The following TMEM94 variants were observed in gnomAD, a reference collection of about 807,000 sequenced individuals.
TMEM94 encodes transmembrane protein 94.
A neutral mutation model predicts 158.6 loss-of-function variants in TMEM94; 81 were observed. The ratio of observed to expected loss-of-function variants is 0.51; its 90% CI spans 0.43 to 0.61. TMEM94 has a LOEUF of 0.61. Ranked by LOEUF, TMEM94 falls within the 20% of genes least tolerant of loss-of-function variation. The pLI, the probability that TMEM94 is intolerant of heterozygous loss-of-function variation, is 0.00. For missense variants in TMEM94, 1,435 were observed against 1,762.0 expected, an observed-to-expected ratio of 0.81 and a Z score of 3.32; for synonymous variants, 751 against 730.7, an observed-to-expected ratio of 1.03 and a Z score of -0.45.
intron 2 of TMEM94, among the ~76,000 whole-genome samples, chr17:75,472,824 T>C (rs1432414808): frequency 6.6e-6 from 1 of 152,228 alleles, no homozygotes; most frequent in Non-Finnish European, 1.5e-5. Flanking sequence ...ACCTCTAAAA[T>C]GCTTCCCACC....
At chr17:75,462,006 G>GTTTTTTTT (rs1319139834) in intron 1 of TMEM94, among the ~76,000 whole-genome samples, 25 of 100,420 alleles carry the variant, frequency 2.5e-4, no homozygotes, top group South Asian at 1.4e-3. Flanking sequence ...GTTTTGTTTT[G>GTTTTTTTT]TTTTGTTTTT....
At chr17:75,490,894 T>C in intron 11 of TMEM94, 136 bp downstream of exon 11, 1 of 970,714 alleles carries the variant, frequency 1.0e-6, no homozygotes, top group Non-Finnish European at 1.6e-6. Flanking sequence ...GGACATAACC[T>C]GGACCTGTTC....
chr17:75,464,586 TTTTCTTTCTTTCTTTCTTTCCTTCC>T (rs1194637620), intron 1 of TMEM94, among the ~76,000 whole-genome samples: 20 of 63,944 alleles, frequency 3.1e-4, no homozygotes, highest in African/African-American at 8.9e-4. Flanking sequence ...TATTTTTTCA[TTTTCTTTCTTTCTTTCTTTCCTTCC>T]TTTCTTTCTT....
chr17:75,485,466 G>T lies in TMEM94; in HGVS notation c.63G>T (p.Lys21Asn). Reference protein sequence around the residue: ...PPSALGLSTRKALSVLKEQLE... With the variant: ...PPSALGLSTRNALSVLKEQLE... ...CAGCCCTGGGCCTGTCCACGCGGAA[G>T]GCCCTCAGCGTCCTGAAGGAGCAGC... The change falls in exon 3 of 32, where the codon AAG (lysine) becomes AAT (asparagine). Residue 21 changes from lysine to asparagine, a missense_variant. Lys to Asn is a moderately conservative substitution (Grantham distance 94, BLOSUM62 0). This residue lies in a region of TMEM94 where 1,051 missense variants were observed against 1,254.4 expected (regional missense o/e 0.84). Transcript: ENST00000314256. This position sits in a 1 kb window ranked among gnomAD's most constrained non-coding sequence, Gnocchi z 5.5. 6.2e-7 allele frequency: 1 copy of T among 1,614,164 alleles called. No individual in the cohort carries two copies. Among genetic ancestry groups the T allele is most frequent in the African/African-American group, 1.3e-5 (1 of 75,066 alleles).
chr17:75,492,432 C>G lies in TMEM94; in HGVS notation c.1597-42C>G. On this transcript the variant is annotated intron_variant, in intron 14 of 31. Transcript: ENST00000314256. This position sits in a 1 kb window ranked among gnomAD's most constrained non-coding sequence, Gnocchi z 4.4. ...GGCAGAGCCAGTGCTGGCTTCCCCACACCCTATCCCGGGCTGAGGCTCTCC... is the reference window on the plus strand; with the variant it reads ...GGCAGAGCCAGTGCTGGCTTCCCCAGACCCTATCCCGGGCTGAGGCTCTCC... The G allele has an allele frequency of 6.5e-7, 1 of 1,540,596 alleles. No homozygotes were observed. The highest frequency in any genetic ancestry group is 1.9e-5 in the Admixed American group (1 of 52,664).
Position 75,495,704 on chromosome 17 carries a change from G to A in TMEM94, c.2944+61G>A, listed in dbSNP as rs1319461812. Reference sequence around the variant, plus strand: ...GTCCCGTCGGCTGAGCTCTGCCTGGGCCTGCGTACCCCGTGGGCTCTGGAG... The same window carrying A: ...GTCCCGTCGGCTGAGCTCTGCCTGGACCTGCGTACCCCGTGGGCTCTGGAG... On this transcript the variant is annotated intron_variant, in intron 22 of 31. Transcript: ENST00000314256. The surrounding 1 kb of genome is among the most constrained non-coding windows in gnomAD (Gnocchi z 5.6). 1 of 1,506,688 alleles carries A rather than the reference G, an allele frequency of 6.6e-7. No individual in the cohort carries two copies. The highest frequency in any genetic ancestry group is 9.2e-7 in the Non-Finnish European group (1 of 1,086,294). The allele number at this position is 1,506,688 out of a possible 1,614,324, so 93.3% of individuals were successfully genotyped here.
intron 2 of TMEM94, among the ~76,000 whole-genome samples, chr17:75,472,223 A>G (rs151046614): frequency 6.6e-6 from 1 of 152,242 alleles, no homozygotes; most frequent in Non-Finnish European, 1.5e-5. Flanking sequence ...GGGGTGTGCA[A>G]TTTAGTTTGT....
In TMEM94 at chr17:75,499,575, T is replaced by C; in HGVS notation, c.*241T>C. ...CTTCCCTGGGCCTCACCAGGGACAC[T>C]CTTGAATGTATGGCCTCAGGCGCTC... On this transcript the variant is annotated 3_prime_UTR_variant, in exon 32 of 32. Coordinates refer to ENST00000314256, the MANE Select transcript of TMEM94 (RefSeq NM_014738.6). 2 of 569,554 alleles carry C rather than the reference T, an allele frequency of 3.5e-6. No individual in the cohort carries two copies. Among genetic ancestry groups the C allele is most frequent in the Non-Finnish European group, 6.2e-6 (2 of 320,104 alleles). The allele number at this position is 569,554 out of a possible 1,614,324, so 35.3% of individuals were successfully genotyped here.
chr17:75,492,065 C>A lies in TMEM94; in HGVS notation c.1596+165C>A. On this transcript the variant is annotated intron_variant, in intron 14 of 31. Coordinates refer to ENST00000314256, the MANE Select transcript of TMEM94 (RefSeq NM_014738.6). This position sits in a 1 kb window ranked among gnomAD's most constrained non-coding sequence, Gnocchi z 4.4. ...GTCCCTGAGGCCCTCCCCAAGTCTG[C>A]TGCGAAGTAGGTGGAGCCTCCCCCT... 1.2e-6 allele frequency: 1 copy of A among 810,340 alleles called. No homozygotes were observed. The highest frequency in any genetic ancestry group is 1.9e-6 in the Non-Finnish European group (1 of 519,560). The allele number at this position is 810,340 out of a possible 1,614,324, so 50.2% of individuals were successfully genotyped here. A position where few individuals can be genotyped will look rare whatever the true frequency, so the allele number is the denominator to read the frequency against.
rs879520434 is a variant in TMEM94, at chr17:75,492,489, G to A, written c.1612G>A (p.Glu538Lys). 6.3e-7 allele frequency: 1 copy of A among 1,587,508 alleles called. No homozygotes were observed. Among genetic ancestry groups the A allele is most frequent in the Non-Finnish European group, 8.6e-7 (1 of 1,163,270 alleles). The part of the protein sequence containing the change: ...EEPSKTQPGM[E>K]SDPYEAEDFV... ...TTTCCCCCAGACCCAGCCTGGGATG[G>A]AGAGCGACCCCTACGAAGCAGAGGA... Residue 538 changes from glutamate (E) to lysine (K), a missense_variant, in exon 15 of 32, where the codon GAG becomes AAG. By Grantham distance (56) the Glu-to-Lys change is moderately conservative (BLOSUM62 1). Around this residue, in one of 3 missense-constraint regions of TMEM94, gnomAD observed 1,051 missense variants for 1,254.4 expected, o/e 0.84. Coordinates refer to ENST00000314256, the MANE Select transcript of TMEM94 (RefSeq NM_014738.6). This position sits in a 1 kb window ranked among gnomAD's most constrained non-coding sequence, Gnocchi z 4.4.
At chr17:75,486,239 G>A in intron 4 of TMEM94, 51 bp from the exon 5 acceptor site, 4 of 1,608,642 alleles carry the variant, frequency 2.5e-6, no homozygotes, top group Non-Finnish European at 2.5e-6. Context: ...GGGCTGCTGG[G>A]TGGGCGAGCC....
At chr17:75,463,055 T>C (rs1321886790) in intron 1 of TMEM94, among the ~76,000 whole-genome samples, 1 of 12,218 alleles carries the variant, frequency 8.2e-5, no homozygotes, top group Non-Finnish European at 1.4e-4. Context: ...TATATATATA[T>C]ATATATATAT....
chr17:75,486,091 AC>A (rs1352051966), intron 4 of TMEM94, 93 bp downstream of exon 4: 3 of 1,458,124 alleles, frequency 2.1e-6, no homozygotes, highest in African/African-American at 1.4e-5. Flanking sequence ...GGGGGCTGTC[AC>A]CCCCAAGCTG....
In TMEM94 at chr17:75,498,836, G is replaced by T; in HGVS notation, c.3828-76G>T. 6.6e-7 allele frequency: 1 copy of T among 1,522,076 alleles called. No individual in the cohort carries two copies. The allele number at this position is 1,522,076 out of a possible 1,614,324, so 94.3% of individuals were successfully genotyped here. ...AGTGGTTTAACTGTACCCTGCCTGA[G>T]CTAACTGTTGTACTGGGAAGAGCAG... On this transcript the variant is annotated intron_variant, in intron 30 of 31. Transcript: ENST00000314256. This position sits in a 1 kb window ranked among gnomAD's most constrained non-coding sequence, Gnocchi z 6.7.
Position 75,498,398 on chromosome 17 carries a change from C to G in TMEM94, c.3639-46C>G, listed in dbSNP as rs1434496995. 1 of 1,609,444 alleles carries G rather than the reference C, an allele frequency of 6.2e-7. No homozygotes were observed. Among genetic ancestry groups the G allele is most frequent in the South Asian group, 1.1e-5 (1 of 90,620 alleles). On this transcript the variant is annotated intron_variant, in intron 28 of 31. Coordinates refer to ENST00000314256, the MANE Select transcript of TMEM94 (RefSeq NM_014738.6). The surrounding 1 kb of genome is among the most constrained non-coding windows in gnomAD (Gnocchi z 6.7). ...TTCCTCCCTCCCCACCCCAGCCTAC[C>G]TCCCTGCGGCCCTAGAGGGGCTGAG...
chr17:75,496,843 C>T (rs772460395), intron 25 of TMEM94, 36 bp downstream of exon 25: 2 of 1,589,776 alleles, frequency 1.3e-6, no homozygotes. Flanking sequence ...GCCCCCGTGC[C>T]ACTCACCCCT....
intron 1 of TMEM94, among the ~76,000 whole-genome samples, chr17:75,459,973 A>G (rs1245349638): frequency 6.6e-6 from 1 of 152,066 alleles, no homozygotes; most frequent in Non-Finnish European, 1.5e-5. Flanking sequence ...TTCCGAGCAG[A>G]CCCGCCAGCC....
intron 2 of TMEM94, chr17:75,476,362 C>A: frequency 2.0e-6 from 1 of 488,838 alleles, no homozygotes; most frequent in Non-Finnish European, 3.3e-6. Flanking sequence ...TCTGGCAGCG[C>A]GTTGGACAAA....
At position 75,492,074 on chromosome 17, in the gene TMEM94, AGGTGGAG is replaced by A; in HGVS notation, c.1596+175_1596+181del. ...GCCCTCCCCAAGTCTGCTGCGAAGT[AGGTGGAG>A]CCTCCCCCTACCCTTCCATTCTTGT... On this transcript the variant is annotated intron_variant, in intron 14 of 31. Coordinates refer to ENST00000314256, the MANE Select transcript of TMEM94 (RefSeq NM_014738.6). The surrounding 1 kb of genome is among the most constrained non-coding windows in gnomAD (Gnocchi z 4.4). 1.3e-6 allele frequency: 1 copy of A among 782,484 alleles called. No homozygotes were observed. Among genetic ancestry groups the A allele is most frequent in the Non-Finnish European group, 2.0e-6 (1 of 495,810 alleles). The allele number at this position is 782,484 out of a possible 1,614,324, so 48.5% of individuals were successfully genotyped here. A position where few individuals can be genotyped will look rare whatever the true frequency, so the allele number is the denominator to read the frequency against.
Sources: gnomAD v4.1 joint callset for allele counts (sites outside exome capture counted in the v4.1 genomes callset) on GRCh38, gnomAD v4.1.1 for gene constraint, gnomAD v4.1.1 regional missense constraint, Gnocchi (gnomAD v3.1) non-coding constraint, MANE v1.5 for transcripts, NCBI Gene and HGNC (gene_info 2026-07-23, HGNC 2026-07-21) for gene names.